The following RTN4R variants were observed in gnomAD, a reference collection of about 807,000 sequenced individuals.
RTN4R encodes the protein reticulon 4 receptor.
RTN4R carries 4 observed loss-of-function variants against 27.7 expected under a neutral mutation model. The observed-to-expected ratio is 0.14, with a 90% CI of 0.07 to 0.33. RTN4R has a LOEUF of 0.33. Ranked by LOEUF, RTN4R falls within the 10% of genes least tolerant of loss-of-function variation. The pLI is 1.00. For missense variants in RTN4R, 554 were observed against 671.5 expected, an observed-to-expected ratio of 0.83 and a Z score of 1.93; for synonymous variants, 290 against 305.6, an observed-to-expected ratio of 0.95 and a Z score of 0.53.
intron 1 of RTN4R, among the ~76,000 whole-genome samples, chr22:20,260,909 C>G (rs2051242525): frequency 6.6e-6 from 1 of 152,118 alleles, no homozygotes; most frequent in Admixed American, 6.5e-5. Context: ...TCTCCACATG[C>G]ACCCAGCCTC....
At chr22:20,254,715 AC>A (rs1418675215) in intron 1 of RTN4R, among the ~76,000 whole-genome samples, 1 of 152,004 alleles carries the variant, frequency 6.6e-6, no homozygotes, top group Non-Finnish European at 1.5e-5. Flanking sequence ...GGAAGCATTA[AC>A]TGAAATTTCA....
rs552891154 is a variant in RTN4R at position 20,241,690 on chromosome 22, C to A, written c.*21G>T. On this transcript the variant is annotated 3_prime_UTR_variant, in exon 2 of 2. Coordinates refer to ENST00000043402, the MANE Select transcript of RTN4R (RefSeq NM_023004.6). ...TGTACACACACCTGGCTGCTGAGCACGCTCTTGTGTCCGCTGGGGGTCAGC... is the reference window on the plus strand; with the variant it reads ...TGTACACACACCTGGCTGCTGAGCAAGCTCTTGTGTCCGCTGGGGGTCAGC... 1.5e-4 allele frequency: 240 copies of A among 1,548,708 alleles called. No individual in the cohort carries two copies. The highest frequency in any genetic ancestry group is 1.5e-4 in the Non-Finnish European group (176 of 1,146,578).
intron 1 of RTN4R, among the ~76,000 whole-genome samples, chr22:20,253,476 G>A (rs1005863): frequency 0.23 from 35,270 of 152,056 alleles, 4,403 homozygotes; most frequent in East Asian, 0.4. Context: ...GGAGCACAGT[G>A]GCAGGCTGCT....
chr22:20,265,692 G>A (rs2051272994), intron 1 of RTN4R, among the ~76,000 whole-genome samples: 2 of 152,226 alleles, frequency 1.3e-5, no homozygotes, highest in African/African-American at 2.4e-5. Flanking sequence ...TGCCTGACTA[G>A]GGGCTTTTAT....
intron 1 of RTN4R, chr22:20,267,725 G>A (rs117475224): frequency 0.07 from 30,250 of 434,178 alleles, 1,479 homozygotes; most frequent in Non-Finnish European, 0.085. Flanking sequence ...TAACCCCTTG[G>A]TGGCCGGGGC....
chr22:20,246,626 G>C (rs2051142772), intron 1 of RTN4R, among the ~76,000 whole-genome samples: 1 of 152,212 alleles, frequency 6.6e-6, no homozygotes, highest in Non-Finnish European at 1.5e-5. Flanking sequence ...GCCGAGCAGG[G>C]ATGGCCTTCT....
At position 20,242,484 on chromosome 22, in the gene RTN4R, C is replaced by G. The variant is rs201290647; in HGVS notation, c.649G>C (p.Val217Leu). ...AGGTCACGGAAGGCATGCGGGTGCA[C>G]ATGGGCCACGCGGTTCTGGTGCAGT... is the stretch of plus-strand genomic sequence containing the variant. ...LLLHQNRVAHVHPHAFRDLGR... is the reference protein window; with the variant it reads ...LLLHQNRVAHLHPHAFRDLGR... The change falls in exon 2 of 2, where the codon GTG (valine) becomes CTG (leucine). Residue 217 changes from valine to leucine, a missense_variant. Coordinates refer to ENST00000043402, the MANE Select transcript of RTN4R (RefSeq NM_023004.6). The G allele has an allele frequency of 1.5e-5, 24 of 1,613,708 alleles. No individual in the cohort carries two copies. Among genetic ancestry groups the G allele is most frequent in the Non-Finnish European group, 2.0e-5 (24 of 1,179,974 alleles).
chr22:20,267,388 C>A (rs2051284183), intron 1 of RTN4R, among the ~76,000 whole-genome samples: 1 of 152,212 alleles, frequency 6.6e-6, no homozygotes, highest in South Asian at 2.1e-4. Flanking sequence ...ACCTCACAGC[C>A]GGTGGGGCGG....
chr22:20,264,680 G>A (rs1231901724), intron 1 of RTN4R, among the ~76,000 whole-genome samples: 1 of 152,332 alleles, frequency 6.6e-6, no homozygotes. Context: ...CAGCCAGACC[G>A]CAGAGCAGGG....
At chr22:20,260,837 G>A (rs1022372968) in intron 1 of RTN4R, among the ~76,000 whole-genome samples, 3 of 152,172 alleles carry the variant, frequency 2.0e-5, no homozygotes, top group African/African-American at 7.2e-5. Flanking sequence ...CAGAGGTCCT[G>A]CGGCAGAGCT....
At chr22:20,248,509 C>T (rs1000005339) in intron 1 of RTN4R, among the ~76,000 whole-genome samples, 4 of 152,226 alleles carry the variant, frequency 2.6e-5, no homozygotes, top group African/African-American at 9.6e-5. Context: ...CCCAAGGACA[C>T]ATCAACGTGG....
At chr22:20,252,073 A>T (rs1311652146) in intron 1 of RTN4R, among the ~76,000 whole-genome samples, 1 of 141,334 alleles carries the variant, frequency 7.1e-6, no homozygotes, top group African/African-American at 2.5e-5. Context: ...CACCATCACC[A>T]TCCTCATCAT....
Position 20,268,300 on chromosome 22 carries a change from G to GCCTC in RTN4R, c.-209_-208insGAGG, listed in dbSNP as rs2051292777. On this transcript the variant is annotated 5_prime_UTR_variant, in exon 1 of 2. Coordinates refer to ENST00000043402, the MANE Select transcript of RTN4R (RefSeq NM_023004.6). ...GGGCGCGCAGGGCGCACAGGGCGAG[G>GCCTC]GCGGCGGCGGCGCGGGGGTTGGGGC... The GCCTC allele has an allele frequency of 1.1e-3, 2 of 1,776 alleles. No homozygotes were observed. The highest frequency in any genetic ancestry group is 7.7e-3 in the Admixed American group (1 of 130). 0.1% of individuals were successfully genotyped at this position (1,776 alleles called of 1,614,324 possible). A position where few individuals can be genotyped will look rare whatever the true frequency, so the allele number is the denominator to read the frequency against.
intron 1 of RTN4R, among the ~76,000 whole-genome samples, chr22:20,251,789 C>T (rs1387445236): frequency 1.0e-5 from 1 of 98,220 alleles, no homozygotes; most frequent in Non-Finnish European, 2.2e-5. Flanking sequence ...ATCACCATCA[C>T]CAGCCTCAAC....
chr22:20,268,130 C>A lies in RTN4R; in HGVS notation c.-38G>T. On this transcript the variant is annotated 5_prime_UTR_variant, in exon 1 of 2. Coordinates refer to ENST00000043402, the MANE Select transcript of RTN4R (RefSeq NM_023004.6). The stretch of plus-strand genomic sequence containing the variant: ...GCGGGGCGCGTCGGGGACTGAAAGT[C>A]GTTTCGGGGCGGGCGCCCGTCTCCC... 3 of 1,087,812 alleles carry A rather than the reference C, an allele frequency of 2.8e-6. No individual in the cohort carries two copies. In the South Asian group the frequency reaches 1.2e-4, roughly 44 times the overall value. 67.4% of individuals were successfully genotyped at this position (1,087,812 alleles called of 1,614,324 possible). A position where few individuals can be genotyped will look rare whatever the true frequency, so the allele number is the denominator to read the frequency against.
chr22:20,256,194 G>A (rs2051211442), intron 1 of RTN4R, among the ~76,000 whole-genome samples: 2 of 152,168 alleles, frequency 1.3e-5, no homozygotes, highest in African/African-American at 4.8e-5. Flanking sequence ...GGGCAGTCCG[G>A]CCTTATTTCC....
At position 20,260,650 on chromosome 22, in the gene RTN4R, C is replaced by G. The variant is rs73879307; in HGVS notation, c.22+7421G>C. 1.4e-3 allele frequency among the ~76,000 whole-genome samples: 212 copies of G among 152,272 alleles called. 1 individual carries two copies. Among genetic ancestry groups the G allele is most frequent in the African/African-American group, 4.8e-3 (200 of 41,546 alleles). On this transcript the variant is annotated intron_variant, in intron 1 of 1. Transcript: ENST00000043402. Reference sequence around the variant, plus strand: ...GGGCCACGCCCGGGGGCAGGTGGCCCACCCTCCCAATACCCAGTCCCACCC... The same window carrying G: ...GGGCCACGCCCGGGGGCAGGTGGCCGACCCTCCCAATACCCAGTCCCACCC...
intron 1 of RTN4R, among the ~76,000 whole-genome samples, chr22:20,261,026 C>A (rs985915958): frequency 1.3e-5 from 2 of 152,204 alleles, no homozygotes; most frequent in African/African-American, 2.4e-5. Flanking sequence ...CTGGCATGAA[C>A]TAACGTGTCT....
In RTN4R at chr22:20,242,950, G is replaced by A; in HGVS notation, c.183C>T (p.Arg61=). ...VPVGIPAASQ[R]IFLHGNRISH... ...AGATGCGGTTGCCGTGCAGGAAGAT[G>A]CGCTGGCTGGCAGCAGGGATGCCCA... Residue 61 remains arginine (R), a synonymous_variant, in exon 2 of 2, where the codon CGC becomes CGT. Coordinates refer to ENST00000043402, the MANE Select transcript of RTN4R (RefSeq NM_023004.6). 1 of 1,612,048 alleles carries A rather than the reference G, an allele frequency of 6.2e-7. No individual in the cohort carries two copies.
Sources: gnomAD v4.1 joint callset for allele counts (sites outside exome capture counted in the v4.1 genomes callset) on GRCh38, gnomAD v4.1.1 for gene constraint, MANE v1.5 for transcripts, NCBI Gene and HGNC (gene_info 2026-07-23, HGNC 2026-07-21) for gene names.